The following PCDH7 variants were observed in gnomAD, a reference collection of about 807,000 sequenced individuals.
The protein encoded by PCDH7 is protocadherin-7.
A neutral mutation model predicts 58.9 loss-of-function variants in PCDH7; 17 were observed. That is an observed-to-expected ratio of 0.29 (90% CI 0.20 to 0.43). PCDH7 has a LOEUF of 0.43. Among genes scored for constraint, PCDH7 ranks in the 20% least tolerant of loss-of-function variants. The pLI is 1.00. For missense variants in PCDH7, 1,274 were observed against 1,441.0 expected (o/e 0.88, Z 1.88); for synonymous variants, 664 against 616.4 (o/e 1.08, Z -1.14).
chr4:30,853,923 A>G (rs1342054128), intron 1 of PCDH7, among the ~76,000 whole-genome samples: 1 of 152,056 alleles, frequency 6.6e-6, no homozygotes, highest in African/African-American at 2.4e-5. Flanking sequence ...AAGCAAATGT[A>G]AATTTAAATC....
intron 3 of PCDH7, among the ~76,000 whole-genome samples, chr4:31,026,862 T>C (rs1192699697): frequency 6.6e-6 from 1 of 152,162 alleles, no homozygotes; most frequent in East Asian, 1.9e-4. Flanking sequence ...ATGCATTCAG[T>C]GATGTCACAA....
chr4:31,132,613 A>T (rs1719125272), intron 3 of PCDH7, among the ~76,000 whole-genome samples: 1 of 152,172 alleles, frequency 6.6e-6, no homozygotes, highest in South Asian at 2.1e-4. Context: ...AGTGGCTCTA[A>T]ATTGATACTT....
At chr4:30,909,958 G>C (rs1359034068) in intron 1 of PCDH7, among the ~76,000 whole-genome samples, 1 of 152,104 alleles carries the variant, frequency 6.6e-6, no homozygotes, top group Non-Finnish European at 1.5e-5. Context: ...AAACCTAGTG[G>C]TACTAGTACC....
chr4:30,888,717 T>A (rs1360357004), intron 1 of PCDH7, among the ~76,000 whole-genome samples: 1 of 152,120 alleles, frequency 6.6e-6, no homozygotes, highest in African/African-American at 2.4e-5. Flanking sequence ...GAGATTTGTT[T>A]CCCGGTAACT....
At chr4:30,806,531 C>A (rs188228071) in intron 1 of PCDH7, among the ~76,000 whole-genome samples, 111 of 151,900 alleles carry the variant, frequency 7.3e-4, no homozygotes, top group African/African-American at 2.6e-3. Flanking sequence ...GTCTCGAACT[C>A]CTGACCTCGT....
intron 3 of PCDH7, among the ~76,000 whole-genome samples, chr4:31,106,964 T>G (rs939281859): frequency 1.3e-5 from 2 of 152,244 alleles, no homozygotes; most frequent in African/African-American, 2.4e-5. Flanking sequence ...TCTTAACTTC[T>G]CTATCCTACT....
chr4:30,805,357 C>G (rs1047796556), intron 1 of PCDH7, among the ~76,000 whole-genome samples: 1 of 152,090 alleles, frequency 6.6e-6, no homozygotes, highest in African/African-American at 2.4e-5. Context: ...AGCTGGCTGA[C>G]TAAGGCAAGT....
intron 3 of PCDH7, among the ~76,000 whole-genome samples, chr4:31,004,529 G>C (rs577829951): frequency 8.9e-4 from 136 of 152,096 alleles, no homozygotes; most frequent in African/African-American, 3.2e-3. Flanking sequence ...GGCCGACATG[G>C]TGAAACCCCA....
chr4:30,998,131 T>C lies in PCDH7; in HGVS notation c.*7+47916T>C, dbSNP rs573128229. Among the ~76,000 whole-genome samples, 18 of 152,118 alleles carry C rather than the reference T, an allele frequency of 1.2e-4. No homozygotes were observed. The East Asian group carries it at 3.5e-3, about 29-fold the overall frequency. ...TTTTATAAAACTTATATTACAAGAG[T>C]TCTATTGCCCATGTGCTCATTTATT... is the stretch of plus-strand genomic sequence containing the variant. On this transcript the variant is annotated intron_variant, in intron 3 of 3. Transcript: ENST00000509759.
intron 1 of PCDH7, among the ~76,000 whole-genome samples, chr4:30,768,930 C>T (rs138754430): frequency 3.1e-3 from 476 of 152,270 alleles, no homozygotes; most frequent in African/African-American, 0.011. Context: ...GGAGATGATA[C>T]TTTCAGGTGG....
At chr4:31,024,999 T>A (rs905560460) in intron 3 of PCDH7, among the ~76,000 whole-genome samples, 2 of 152,208 alleles carry the variant, frequency 1.3e-5, no homozygotes, top group South Asian at 2.1e-4. Flanking sequence ...CGCCTCGGCC[T>A]CCCAGAGTGC....
At chr4:31,013,792 G>A (rs935414867) in intron 3 of PCDH7, among the ~76,000 whole-genome samples, 2 of 152,036 alleles carry the variant, frequency 1.3e-5, no homozygotes, top group African/African-American at 4.8e-5. Flanking sequence ...AATAACTCTA[G>A]CATTCTATAA....
At chr4:30,816,137 AT>A (rs1296230547) in intron 1 of PCDH7, among the ~76,000 whole-genome samples, 4 of 152,056 alleles carry the variant, frequency 2.6e-5, no homozygotes, top group Non-Finnish European at 1.5e-5. Context: ...TATCTTCTTG[AT>A]TTTTTTAATA....
At chr4:31,013,617 A>ACACACG (rs1056397223) in intron 3 of PCDH7, among the ~76,000 whole-genome samples, 1 of 151,592 alleles carries the variant, frequency 6.6e-6, no homozygotes, top group Non-Finnish European at 1.5e-5. Flanking sequence ...ACACACACAC[A>ACACACG]CATATATCTG....
chr4:31,119,487 G>A (rs1717392669), intron 3 of PCDH7, among the ~76,000 whole-genome samples: 1 of 152,004 alleles, frequency 6.6e-6, no homozygotes, highest in Admixed American at 6.6e-5. Flanking sequence ...ATTTGACTCA[G>A]GGGCATAAGG....
chr4:30,722,712 C>T lies in PCDH7; in HGVS notation c.1290C>T (p.Ala430=). 4 of 1,613,516 alleles carry T rather than the reference C, an allele frequency of 2.5e-6. No homozygotes were observed. Among genetic ancestry groups the T allele is most frequent in the Non-Finnish European group, 3.4e-6 (4 of 1,180,016 alleles). Residue 430 remains alanine (A), a synonymous_variant, in exon 1 of 2, where the codon GCC becomes GCT. Transcript: ENST00000361762. This position sits in a 1 kb window ranked among gnomAD's most constrained non-coding sequence, Gnocchi z 7.6. ...GCATCCCCCTCAAGGACGGGGTGGC[C>T]AACGTGGCCGAGGACGTTCTGGTCG... is the stretch of plus-strand genomic sequence containing the variant.
At chr4:30,914,499 T>A (rs1220523468) in intron 1 of PCDH7, among the ~76,000 whole-genome samples, 1 of 152,224 alleles carries the variant, frequency 6.6e-6, no homozygotes, top group Non-Finnish European at 1.5e-5. Context: ...TGTTGAGTAT[T>A]ATTGTATGTA....
At chr4:31,048,965 G>GA (rs1756518717) in intron 3 of PCDH7, among the ~76,000 whole-genome samples, 1 of 152,072 alleles carries the variant, frequency 6.6e-6, no homozygotes, top group South Asian at 2.1e-4. Context: ...CTGTAAACCA[G>GA]AAACAGAAAA....
At chr4:31,103,857 C>T (rs1715213035) in intron 3 of PCDH7, among the ~76,000 whole-genome samples, 1 of 152,192 alleles carries the variant, frequency 6.6e-6, no homozygotes, top group Non-Finnish European at 1.5e-5. Context: ...TAGCACTGAA[C>T]ACCACCAACT....
Sources: gnomAD v4.1 joint callset for allele counts (sites outside exome capture counted in the v4.1 genomes callset) on GRCh38, gnomAD v4.1.1 for gene constraint, Gnocchi (gnomAD v3.1) non-coding constraint, MANE v1.5 for transcripts, NCBI Gene and HGNC (gene_info 2026-07-23, HGNC 2026-07-21) for gene names.